EPC1: variants seen among roughly 807,000 people sequenced by gnomAD.
EPC1 encodes the protein enhancer of polycomb 1, also known as enhancer of polycomb homolog 1.
In EPC1, 12 loss-of-function variants were observed where a neutral mutation model predicts 98.4. That is an observed-to-expected ratio of 0.12 (90% CI 0.08 to 0.20). The LOEUF (loss-of-function observed/expected upper bound fraction) is 0.20, where lower values mean the gene tolerates loss of function less well. EPC1 is among the 10% of genes least tolerant of loss of function. The pLI is 1.00. For missense variants in EPC1, 729 were observed against 990.5 expected, an observed-to-expected ratio of 0.74 and a Z score of 3.54; for synonymous variants, 357 against 363.9, an observed-to-expected ratio of 0.98 and a Z score of 0.21.
intron 1 of EPC1, among the ~76,000 whole-genome samples, chr10:32,367,253 A>C (rs1592641866): frequency 6.6e-6 from 1 of 152,308 alleles, no homozygotes; most frequent in East Asian, 1.9e-4. Flanking sequence ...GGCCTCCCAA[A>C]GTGCTGGGAT....
chr10:32,375,372 C>A (rs969445767), intron 1 of EPC1, among the ~76,000 whole-genome samples: 2 of 152,004 alleles, frequency 1.3e-5, no homozygotes, highest in Non-Finnish European at 2.9e-5. Flanking sequence ...CTTACCCTAC[C>A]ATTACCTATC....
chr10:32,342,894 G>C (rs1429698699), intron 1 of EPC1, among the ~76,000 whole-genome samples: 1 of 150,272 alleles, frequency 6.7e-6, no homozygotes, highest in East Asian at 1.9e-4. Flanking sequence ...TTTTAATCAA[G>C]AGTCAATTTT....
intron 2 of EPC1, among the ~76,000 whole-genome samples, chr10:32,299,081 G>A (rs1243670829): frequency 6.6e-6 from 1 of 152,084 alleles, no homozygotes; most frequent in Non-Finnish European, 1.5e-5. Flanking sequence ...TTTATCATAC[G>A]CACATGTGCT....
intron 6 of EPC1, 79 bp from the exon 7 acceptor site, chr10:32,287,353 G>GA (rs1185818738): frequency 7.0e-7 from 1 of 1,426,876 alleles, no homozygotes; most frequent in African/African-American, 1.4e-5. Context: ...ATTTTAAAAA[G>GA]AAGTTTATTG....
intron 1 of EPC1, among the ~76,000 whole-genome samples, chr10:32,353,520 T>C (rs1839184478): frequency 6.6e-6 from 1 of 152,198 alleles, no homozygotes; most frequent in Non-Finnish European, 1.5e-5. Flanking sequence ...CTGGTTTTGG[T>C]AGCAGGAGTC....
At chr10:32,362,484 C>T (rs573714277) in intron 1 of EPC1, among the ~76,000 whole-genome samples, 2 of 152,280 alleles carry the variant, frequency 1.3e-5, no homozygotes, top group Admixed American at 1.3e-4. Context: ...CTTGCTCCTG[C>T]TCTGGCAATA....
chr10:32,364,912 T>A lies in EPC1; in HGVS notation c.3+13579A>T, dbSNP rs1164657417. The stretch of plus-strand genomic sequence containing the variant: ...ATTACGAGAATTTTTTCATGATTTT[T>A]TTTTTTTTTTTTTTAGCTCATCGGC... On this transcript the variant is annotated intron_variant, in intron 1 of 13. Coordinates refer to the EPC1 transcript ENST00000375110. 2.5e-3 allele frequency among the ~76,000 whole-genome samples: 363 copies of A among 147,782 alleles called. 1 individual carries two copies. Among genetic ancestry groups the A allele is most frequent in the African/African-American group, 8.6e-3 (352 of 41,126 alleles).
At chr10:32,297,482 TCAC>T (rs1305716089) in intron 2 of EPC1, among the ~76,000 whole-genome samples, 2 of 152,016 alleles carry the variant, frequency 1.3e-5, no homozygotes, top group African/African-American at 4.8e-5. Context: ...AGATGGGGTT[TCAC>T]CATGTTGACC....
At chr10:32,345,460 T>C (rs542872441) in intron 1 of EPC1, 2 of 985,284 alleles carry the variant, frequency 2.0e-6, no homozygotes, top group Non-Finnish European at 1.2e-6. Flanking sequence ...AAGAGAAGTA[T>C]TACAGTACAA....
chr10:32,361,476 C>G (rs72791664), intron 1 of EPC1, among the ~76,000 whole-genome samples: 1,585 of 152,258 alleles, frequency 0.01, 8 homozygotes, highest in Non-Finnish European at 0.017. Flanking sequence ...TTACAGAATA[C>G]CCCCATTTTT....
chr10:32,291,337 A>G lies in EPC1; in HGVS notation c.816-15T>C. 6.3e-7 allele frequency: 1 copy of G among 1,584,354 alleles called. No homozygotes were observed. Among genetic ancestry groups the G allele is most frequent in the Non-Finnish European group, 8.6e-7 (1 of 1,159,948 alleles). On this transcript the variant is annotated splice_polypyrimidine_tract_variant and intron_variant, in intron 5 of 13. Transcript: ENST00000319778. ...CCAAATTATACCTAAAATTATACAA[A>G]TGAAAGTTTAAAATTATATATATTT...
intron 10 of EPC1, among the ~76,000 whole-genome samples, chr10:32,280,197 A>G (rs1289382684): frequency 6.6e-6 from 1 of 152,174 alleles, no homozygotes; most frequent in African/African-American, 2.4e-5. Context: ...TATTTAACTT[A>G]GCCTCCCAGC....
chr10:32,346,702 C>G lies in EPC1; in HGVS notation c.153+61G>C. 5.3e-6 allele frequency: 8 copies of G among 1,521,730 alleles called. No homozygotes were observed. The South Asian group carries it at 9.1e-5, about 17-fold the overall frequency. The allele number at this position is 1,521,730 out of a possible 1,614,324, so 94.3% of individuals were successfully genotyped here. On this transcript the variant is annotated intron_variant, in intron 1 of 13. Transcript: ENST00000319778. ...TTGTGTGGGTTTGCTGCTCCGCCGC[C>G]GCCGCAGGCAGCAGAGGGAGCGGGC... is the stretch of plus-strand genomic sequence containing the variant.
intron 1 of EPC1, among the ~76,000 whole-genome samples, chr10:32,337,937 C>G (rs1220060591): frequency 1.3e-5 from 2 of 152,208 alleles, no homozygotes; most frequent in African/African-American, 4.8e-5. Flanking sequence ...TCTTGAGATG[C>G]TTTTATTCTA....
intron 10 of EPC1, among the ~76,000 whole-genome samples, chr10:32,275,825 T>G (rs1411128108): frequency 2.0e-5 from 3 of 151,680 alleles, no homozygotes; most frequent in Non-Finnish European, 4.4e-5. Flanking sequence ...TAGTCCCAGC[T>G]ACTCAGGGGG....
rs1352612871 is a variant in EPC1 at position 32,293,190 on chromosome 10, A to G, written c.464T>C (p.Val155Ala). The G allele has an allele frequency of 6.2e-7, 1 of 1,609,052 alleles. No individual in the cohort carries two copies. The highest frequency in any genetic ancestry group is 8.5e-7 in the Non-Finnish European group (1 of 1,176,954). ...CAGTAGTTTGGCTTCCTGCAGACTG[A>G]CTGGCTAAATGTAAAACCATTATGT... ...RLEKGSGQQP[V>A]SLQEAKLLLK... Residue 155 changes from valine to alanine, a missense_variant, in exon 4 of 14, where the codon GTC (valine) becomes GCC (alanine). By Grantham distance (64) the Val-to-Ala change is moderately conservative. Transcript: ENST00000319778.
At chr10:32,352,881 C>T (rs1435494105) in intron 1 of EPC1, among the ~76,000 whole-genome samples, 1 of 152,192 alleles carries the variant, frequency 6.6e-6, no homozygotes, top group Non-Finnish European at 1.5e-5. Context: ...TCTGGCCAGA[C>T]ACAGTGGCTC....
At chr10:32,341,208 CCTTAA>C (rs1274016148) in intron 1 of EPC1, among the ~76,000 whole-genome samples, 12 of 152,130 alleles carry the variant, frequency 7.9e-5, no homozygotes, top group African/African-American at 2.4e-4. Flanking sequence ...AATTAAGCAT[CCTTAA>C]CTTTTCAAGA....
At chr10:32,330,243 A>T (rs951022196) in intron 1 of EPC1, among the ~76,000 whole-genome samples, 1 of 152,258 alleles carries the variant, frequency 6.6e-6, no homozygotes, top group African/African-American at 2.4e-5. Flanking sequence ...AATTTAGGCA[A>T]GAGATGGCAA....
Sources: gnomAD v4.1 joint callset for allele counts (sites outside exome capture counted in the v4.1 genomes callset) on GRCh38, gnomAD v4.1.1 for gene constraint, MANE v1.5 for transcripts, NCBI Gene and HGNC (gene_info 2026-07-23, HGNC 2026-07-21) for gene names.